SRBD1: variants seen among roughly 807,000 people sequenced by gnomAD.
SRBD1 encodes S1 RNA-binding domain-containing protein 1.
A neutral mutation model predicts 115.3 loss-of-function variants in SRBD1; 88 were observed. That is an observed-to-expected ratio of 0.76 (90% CI 0.64 to 0.91). The LOEUF is 0.91. Among genes scored for constraint, SRBD1 ranks in the 40% least tolerant of loss-of-function variants. The pLI is 0.00. For synonymous variants in SRBD1, 509 were observed against 407.7 expected, an observed-to-expected ratio of 1.25 and a Z score of -2.99; for missense variants, 1,385 against 1,177.4, an observed-to-expected ratio of 1.18 and a Z score of -2.58.
chr2:45,411,539 C>T (rs146551167), intron 19 of SRBD1, among the ~76,000 whole-genome samples: 39 of 152,172 alleles, frequency 2.6e-4, no homozygotes, highest in African/African-American at 9.1e-4. Flanking sequence ...AAGTAGTTAC[C>T]TCTGGGAGGT....
chr2:45,591,557 G>A (rs1673725215), intron 4 of SRBD1, among the ~76,000 whole-genome samples: 1 of 152,192 alleles, frequency 6.6e-6, no homozygotes, highest in Non-Finnish European at 1.5e-5. Flanking sequence ...ACAGTTACAT[G>A]TACAAGGAGT....
chr2:45,606,947 A>G (rs1282758122), intron 1 of SRBD1, among the ~76,000 whole-genome samples: 2 of 152,172 alleles, frequency 1.3e-5, no homozygotes, highest in Non-Finnish European at 2.9e-5. Context: ...TGGAAATACT[A>G]AAGGGGTTGT....
At chr2:45,577,127 G>GCT (rs1162093170) in intron 7 of SRBD1, among the ~76,000 whole-genome samples, 1 of 152,206 alleles carries the variant, frequency 6.6e-6, no homozygotes, top group Non-Finnish European at 1.5e-5. Flanking sequence ...AATGCCTTGA[G>GCT]CTACTTCTAG....
chr2:45,599,603 C>T lies in SRBD1; in HGVS notation c.494G>A (p.Cys165Tyr). ...GTCATCGTCATTCTCTTCCTTCTTG[C>T]ATGTACCTCCCCACACAGTGCTTGT... The part of the protein sequence containing the change: ...PSTSTVWGGT[C>Y]KKEENDDDFT... Residue 165 changes from cysteine (C) to tyrosine (Y), a missense_variant, in exon 4 of 21, where the codon TGC (cysteine) becomes TAC (tyrosine). Coordinates refer to ENST00000263736, the MANE Select transcript of SRBD1 (RefSeq NM_018079.5). 6.2e-7 allele frequency: 1 copy of T among 1,614,188 alleles called. No homozygotes were observed. The highest frequency in any genetic ancestry group is 8.5e-7 in the Non-Finnish European group (1 of 1,180,028).
chr2:45,532,771 T>A (rs1216130245), intron 14 of SRBD1, among the ~76,000 whole-genome samples: 1 of 151,802 alleles, frequency 6.6e-6, no homozygotes, highest in Non-Finnish European at 1.5e-5. Flanking sequence ...TTTAGCCACA[T>A]AAAATACACA....
chr2:45,446,278 G>A (rs1178655118), intron 16 of SRBD1, among the ~76,000 whole-genome samples: 6 of 152,164 alleles, frequency 3.9e-5, no homozygotes, highest in Non-Finnish European at 7.3e-5. Flanking sequence ...GAAAGCTGAG[G>A]TGCTGAATCA....
intron 7 of SRBD1, among the ~76,000 whole-genome samples, chr2:45,578,004 C>A (rs1454405770): frequency 6.6e-6 from 1 of 152,092 alleles, no homozygotes; most frequent in Non-Finnish European, 1.5e-5. Context: ...ACCAAGTGTC[C>A]ATTGTCATAT....
At chr2:45,596,354 C>T (rs866548173) in intron 4 of SRBD1, among the ~76,000 whole-genome samples, 4 of 152,114 alleles carry the variant, frequency 2.6e-5, no homozygotes, top group Non-Finnish European at 4.4e-5. Flanking sequence ...CATTACAGAA[C>T]GCATTAGTGA....
intron 16 of SRBD1, among the ~76,000 whole-genome samples, chr2:45,472,005 A>T (rs914223100): frequency 6.6e-6 from 1 of 152,194 alleles, no homozygotes; most frequent in Non-Finnish European, 1.5e-5. Flanking sequence ...AAATGAAAAC[A>T]TACATAAAAA....
At chr2:45,550,459 G>GT (rs1173238160) in intron 12 of SRBD1, among the ~76,000 whole-genome samples, 1 of 143,740 alleles carries the variant, frequency 7.0e-6, no homozygotes, top group African/African-American at 2.6e-5. Flanking sequence ...AATAACCACA[G>GT]TTTGGCTGAC....
At chr2:45,490,260 C>T (rs1255549090) in intron 14 of SRBD1, among the ~76,000 whole-genome samples, 4 of 152,062 alleles carry the variant, frequency 2.6e-5, no homozygotes, top group African/African-American at 7.2e-5. Context: ...CATTTCCTAA[C>T]CAGGGGCCCT....
At chr2:45,437,357 T>TTA (rs561596337) in intron 16 of SRBD1, among the ~76,000 whole-genome samples, 1 of 133,992 alleles carries the variant, frequency 7.5e-6, no homozygotes, top group Non-Finnish European at 1.6e-5. Context: ...AGTATTGGTT[T>TTA]AAAAAAAAAA....
chr2:45,436,687 G>A (rs1467327335), intron 16 of SRBD1, among the ~76,000 whole-genome samples: 1 of 152,142 alleles, frequency 6.6e-6, no homozygotes, highest in Non-Finnish European at 1.5e-5. Flanking sequence ...TACTCACTAT[G>A]AGGAGAACAG....
chr2:45,390,211 G>C (rs1353135868), intron 20 of SRBD1, among the ~76,000 whole-genome samples: 1 of 152,074 alleles, frequency 6.6e-6, no homozygotes, highest in Non-Finnish European at 1.5e-5. Flanking sequence ...CCCAGACCAG[G>C]TAGTATCTAA....
At chr2:45,464,449 C>A (rs1289151722) in intron 16 of SRBD1, among the ~76,000 whole-genome samples, 3 of 152,188 alleles carry the variant, frequency 2.0e-5, no homozygotes, top group African/African-American at 7.2e-5. Context: ...GTCCTCAGAT[C>A]ATTGGTTAGA....
chr2:45,445,478 A>T (rs917038610), intron 16 of SRBD1, among the ~76,000 whole-genome samples: 2 of 143,372 alleles, frequency 1.4e-5, no homozygotes, highest in Admixed American at 7.2e-5. Context: ...TTTACTACAT[A>T]GGTTAGGGGT....
chr2:45,418,699 C>T (rs975585982), intron 17 of SRBD1, among the ~76,000 whole-genome samples, 158 bp from the exon 18 acceptor site: 5 of 135,790 alleles, frequency 3.7e-5, no homozygotes, highest in South Asian at 2.4e-4. Flanking sequence ...AAAAAAAAAA[C>T]GGAGAAAAAA....
intron 7 of SRBD1, among the ~76,000 whole-genome samples, chr2:45,577,682 G>T (rs1673222895): frequency 6.6e-6 from 1 of 151,788 alleles, no homozygotes; most frequent in African/African-American, 2.4e-5. Flanking sequence ...TGAACTATCT[G>T]GTTTCTTAAA....
At chr2:45,477,595 G>C (rs955679267) in intron 15 of SRBD1, among the ~76,000 whole-genome samples, 1 of 152,056 alleles carries the variant, frequency 6.6e-6, no homozygotes, top group Non-Finnish European at 1.5e-5. Flanking sequence ...TGTTACCCTG[G>C]ATAGAGTGCA....
Sources: allele counts gnomAD v4.1 joint callset (sites outside exome capture counted in the v4.1 genomes callset), GRCh38; gene constraint gnomAD v4.1.1; transcripts MANE v1.5; gene names NCBI Gene and HGNC (gene_info 2026-07-23, HGNC 2026-07-21).